The following UGT2A3 variants were observed in gnomAD, a reference collection of about 807,000 sequenced individuals.
UGT2A3 encodes UDP glucuronosyltransferase family 2 member A3.
A neutral mutation model predicts 44.1 loss-of-function variants in UGT2A3; 55 were observed. That is an observed-to-expected ratio of 1.25 (90% CI 1.00 to 1.56). The LOEUF (loss-of-function observed/expected upper bound fraction) is 1.56, where lower values mean the gene tolerates loss of function less well. Ranked by LOEUF, UGT2A3 falls within the 40% of genes most tolerant of loss-of-function variation. The pLI is 0.00. For synonymous variants in UGT2A3, 243 were observed against 215.1 expected, an observed-to-expected ratio of 1.13 and a Z score of -1.13; for missense variants, 733 against 621.6, an observed-to-expected ratio of 1.18 and a Z score of -1.91.
intron 2 of UGT2A3, among the ~76,000 whole-genome samples, chr4:68,939,135 A>G (rs749608096): frequency 6.6e-6 from 1 of 152,200 alleles, no homozygotes; most frequent in Non-Finnish European, 1.5e-5. Context: ...AAGGTAATTT[A>G]TAGATTCAAT....
rs748338237 is a variant in UGT2A3 at position 68,951,453 on chromosome 4, G to A, written c.308C>T (p.Thr103Ile). The change falls in exon 1 of 6, where the codon ACC becomes ATC. Residue 103 changes from threonine to isoleucine, a missense_variant. Transcript: ENST00000251566. ...LALNVLPGLS[T>I]WQSVIKLNDF... ...ATTTAATTTTATAACTGATTGCCAG[G>A]TTGATAAGCCTGGCAAGACATTCAG... 6.2e-7 allele frequency: 1 copy of A among 1,612,182 alleles called. No individual in the cohort carries two copies.
At chr4:68,938,150 C>A (rs1199827203) in intron 2 of UGT2A3, among the ~76,000 whole-genome samples, 4 of 152,178 alleles carry the variant, frequency 2.6e-5, no homozygotes, top group Admixed American at 2.6e-4. Flanking sequence ...GGTACCATTC[C>A]TTCTGAAACC....
In UGT2A3 at chr4:68,932,849, G is replaced by C. The variant is rs1478500750; in HGVS notation, c.865-90C>G. The C allele has an allele frequency of 7.7e-6, 10 of 1,296,336 alleles. No homozygotes were observed. The African/African-American group carries it at 1.2e-4, about 16-fold the overall frequency. The allele number at this position is 1,296,336 out of a possible 1,614,324, so 80.3% of individuals were successfully genotyped here. A position where few individuals can be genotyped will look rare whatever the true frequency, so the allele number is the denominator to read the frequency against. On this transcript the variant is annotated intron_variant, in intron 2 of 5. Coordinates refer to ENST00000251566, the MANE Select transcript of UGT2A3 (RefSeq NM_024743.4). ...TTACACTTCTAAAATAAATACTTGA[G>C]AAATTATTAATGTGTAGTTATATTC...
At chr4:68,939,851 G>GA in intron 2 of UGT2A3, among the ~76,000 whole-genome samples, 1 of 150,770 alleles carries the variant, frequency 6.6e-6, no homozygotes, top group Admixed American at 6.6e-5. Context: ...AAATTTACAG[G>GA]AAAAAAACAA....
chr4:68,931,378 T>A, intron 3 of UGT2A3, 136 bp from the exon 4 acceptor site: 2 of 576,820 alleles, frequency 3.5e-6, no homozygotes, highest in South Asian at 6.6e-5. Context: ...AGCTACCGCG[T>A]AAAGACTGAA....
Position 68,945,326 on chromosome 4 carries a change from G to C in UGT2A3, c.844C>G (p.Pro282Ala). ...CCTACCTTAGGCAAAGCTTTGGCAG[G>C]TTTACAGTGCAATCCTCCAACAAAC... The part of the protein sequence containing the change: ...FEFVGGLHCK[P>A]AKALPKEMEN... Residue 282 changes from proline to alanine, a missense_variant, in exon 2 of 6, where the codon CCT (proline) becomes GCT (alanine). By Grantham distance (27) the Pro-to-Ala change is conservative. Transcript: ENST00000251566. 4 of 1,611,250 alleles carry C rather than the reference G, an allele frequency of 2.5e-6. No individual in the cohort carries two copies. The highest frequency in any genetic ancestry group is 3.4e-6 in the Non-Finnish European group (4 of 1,178,362).
Position 68,951,791 on chromosome 4 carries a change from A to G in UGT2A3, c.-31T>C, listed in dbSNP as rs376691027. ...CAGTTCCCTCACACACTGATCTGCA[A>G]TGGTTTTGTAGTTACTAAGCAAGGA... On this transcript the variant is annotated 5_prime_UTR_variant, in exon 1 of 6. Coordinates refer to ENST00000251566, the MANE Select transcript of UGT2A3 (RefSeq NM_024743.4). 1 of 1,501,616 alleles carries G rather than the reference A, an allele frequency of 6.7e-7. No individual in the cohort carries two copies. Among genetic ancestry groups the G allele is most frequent in the African/African-American group, 1.4e-5 (1 of 71,400 alleles). The allele number at this position is 1,501,616 out of a possible 1,614,324, so 93.0% of individuals were successfully genotyped here. A position where few individuals can be genotyped will look rare whatever the true frequency, so the allele number is the denominator to read the frequency against.
chr4:68,931,216 T>A lies in UGT2A3; in HGVS notation c.1023A>T (p.Lys341Asn). Residue 341 changes from lysine to asparagine, a missense_variant, in exon 4 of 6, where the codon AAA becomes AAT. Physicochemically the swap from Lys to Asn is moderately conservative, Grantham distance 94. Transcript: ENST00000251566. ...QKVLWRYKGKKPSTLGANTRL... is the reference protein window; with the variant it reads ...QKVLWRYKGKNPSTLGANTRL... The stretch of plus-strand genomic sequence containing the variant: ...GAGTATTGGCTCCTAATGTGGATGG[T>A]TTTTTTCCTTTGTACCTCCATAACA... 1.9e-6 allele frequency: 3 copies of A among 1,612,466 alleles called. No individual in the cohort carries two copies. Among genetic ancestry groups the A allele is most frequent in the South Asian group, 2.2e-5 (2 of 90,998 alleles).
Position 68,939,272 on chromosome 4 carries a change from G to A in UGT2A3, c.864+6034C>T, listed in dbSNP as rs149522123. On this transcript the variant is annotated intron_variant, in intron 2 of 5. Transcript: ENST00000251566. ...CCTAAGCAAAAAGAACAAAGCTGGA[G>A]GCATCATGGTACCTGATGTCAAACT... Among the ~76,000 whole-genome samples, 825 of 152,234 alleles carry A rather than the reference G, an allele frequency of 5.4e-3. 10 individuals carry two copies. The highest frequency in any genetic ancestry group is 0.019 in the African/African-American group (787 of 41,542).
At chr4:68,943,265 A>T in intron 2 of UGT2A3, 1 of 1,174,256 alleles carries the variant, frequency 8.5e-7, no homozygotes. Flanking sequence ...AAAGGGTAGA[A>T]TGGCATGGGA....
At chr4:68,937,360 T>C (rs531916836) in intron 2 of UGT2A3, among the ~76,000 whole-genome samples, 13 of 151,776 alleles carry the variant, frequency 8.6e-5, no homozygotes, top group African/African-American at 3.1e-4. Flanking sequence ...ATCACAACAG[T>C]CTCTCAGACC....
intron 1 of UGT2A3, among the ~76,000 whole-genome samples, chr4:68,948,029 A>C (rs1433749038): frequency 3.3e-5 from 5 of 151,856 alleles, no homozygotes; most frequent in African/African-American, 1.2e-4. Context: ...CAGCTGCATT[A>C]GCCACTACAA....
At chr4:68,948,566 G>C (rs1310873628) in intron 1 of UGT2A3, among the ~76,000 whole-genome samples, 4 of 149,992 alleles carry the variant, frequency 2.7e-5, no homozygotes, top group Non-Finnish European at 5.9e-5. Flanking sequence ...TCCCACCTGA[G>C]CCTCCCAAGT....
chr4:68,945,064 A>G (rs995365381), intron 2 of UGT2A3, among the ~76,000 whole-genome samples: 1 of 151,680 alleles, frequency 6.6e-6, no homozygotes, highest in Non-Finnish European at 1.5e-5. Context: ...TATTATCCAA[A>G]CTATTGTAAT....
chr4:68,939,683 C>T (rs934299271), intron 2 of UGT2A3, among the ~76,000 whole-genome samples: 5 of 152,034 alleles, frequency 3.3e-5, no homozygotes, highest in Non-Finnish European at 1.5e-5. Flanking sequence ...CAACAAAAGC[C>T]GAAATTGACA....
chr4:68,935,276 G>GTATATATATATATATATATATATATA (rs57286694), intron 2 of UGT2A3, among the ~76,000 whole-genome samples: 1 of 60,116 alleles, frequency 1.7e-5, no homozygotes, highest in Non-Finnish European at 3.4e-5. Context: ...ATGTATGTAT[G>GTATATATATATATATATATATATATA]TATATATATA....
rs558925328 is a variant in UGT2A3 at position 68,950,747 on chromosome 4, A to G, written c.715+299T>C. Among the ~76,000 whole-genome samples the G allele has an allele frequency of 3.9e-5, 6 of 152,002 alleles. No homozygotes were observed. In the South Asian group the frequency reaches 8.3e-4, roughly 21 times the overall value. On this transcript the variant is annotated intron_variant, in intron 1 of 5. Transcript: ENST00000251566. The stretch of plus-strand genomic sequence containing the variant: ...AGCATTTTATTTCAATAGAAATTCT[A>G]TAAAATTCAGACTAACAATCAGTGA...
chr4:68,948,909 T>C (rs937412918), intron 1 of UGT2A3, among the ~76,000 whole-genome samples: 11 of 151,814 alleles, frequency 7.2e-5, no homozygotes, highest in African/African-American at 2.7e-4. Context: ...GGCACCAACA[T>C]CTGTGTCTGG....
chr4:68,932,558 A>G, intron 3 of UGT2A3, 70 bp downstream of exon 3: 3 of 1,525,758 alleles, frequency 2.0e-6, no homozygotes, highest in Non-Finnish European at 1.8e-6. Flanking sequence ...AATGAGATTC[A>G]AGACCCAAAT....
Sources: gnomAD v4.1 joint callset for allele counts (sites outside exome capture counted in the v4.1 genomes callset) on GRCh38, gnomAD v4.1.1 for gene constraint, MANE v1.5 for transcripts, NCBI Gene and HGNC (gene_info 2026-07-23, HGNC 2026-07-21) for gene names.